Variants in MLANA observed in about 807,000 individuals in gnomAD.
MLANA encodes melanoma antigen recognized by T-cells 1.
MLANA carries 21 observed loss-of-function variants against 15.7 expected under a neutral mutation model. That is an observed-to-expected ratio of 1.33 (90% CI 0.95 to 1.92). MLANA has a LOEUF of 1.92. MLANA is among the 40% of genes most tolerant of loss of function. The pLI is 0.00. For synonymous variants in MLANA, 56 were observed against 51.5 expected, an observed-to-expected ratio of 1.09 and a Z score of -0.37; for missense variants, 164 against 143.8, an observed-to-expected ratio of 1.14 and a Z score of -0.72.
At chr9:5,908,486 A>G (rs1832958557) in intron 4 of MLANA, among the ~76,000 whole-genome samples, 154 bp from the exon 5 acceptor site, 1 of 152,238 alleles carries the variant, frequency 6.6e-6, no homozygotes. Flanking sequence ...TGTGAAATTT[A>G]ACAATTACTT....
Position 5,897,537 on chromosome 9 carries a change from T to C in MLANA, c.78-20T>C. On this transcript the variant is annotated intron_variant, in intron 2 of 4. Transcript: ENST00000381477. ...ACAATGTTTCAATGACAAAGTGGAT[T>C]TGTCTATCTCTTGGGCCAGGGCCGC... 6.2e-7 allele frequency: 1 copy of C among 1,604,796 alleles called. No homozygotes were observed. The highest frequency in any genetic ancestry group is 8.5e-7 in the Non-Finnish European group (1 of 1,171,474).
intron 3 of MLANA, among the ~76,000 whole-genome samples, chr9:5,899,763 C>G (rs760162190): frequency 3.3e-5 from 5 of 152,172 alleles, no homozygotes; most frequent in Non-Finnish European, 7.3e-5. Context: ...TGAACCACAA[C>G]AGAGAATATT....
At chr9:5,904,905 C>G (rs1832698844) in intron 3 of MLANA, among the ~76,000 whole-genome samples, 1 of 151,952 alleles carries the variant, frequency 6.6e-6, no homozygotes, top group Non-Finnish European at 1.5e-5. Flanking sequence ...TCCCAAGTAG[C>G]TGGGACTACA....
intron 3 of MLANA, among the ~76,000 whole-genome samples, chr9:5,902,760 C>T (rs1038031457): frequency 6.6e-6 from 1 of 151,946 alleles, no homozygotes; most frequent in Non-Finnish European, 1.5e-5. Flanking sequence ...TCCTGCCTTG[C>T]CCTCCCAAAG....
rs1439457602 is a variant in MLANA at position 5,894,657 on chromosome 9, C to G, written c.77+2106C>G. The stretch of plus-strand genomic sequence containing the variant: ...AGCTGGCTCTGACAATGCCGGAAAA[C>G]GAGCTGGTGCTTGGCATATACAGAC... On this transcript the variant is annotated intron_variant, in intron 2 of 4. Coordinates refer to ENST00000381477, the MANE Select transcript of MLANA (RefSeq NM_005511.2). The surrounding 1 kb of genome is among the most constrained non-coding windows in gnomAD (Gnocchi z 4.0). Among the ~76,000 whole-genome samples, 1 of 152,158 alleles carries G rather than the reference C, an allele frequency of 6.6e-6. No individual in the cohort carries two copies.
intron 3 of MLANA, among the ~76,000 whole-genome samples, chr9:5,906,188 A>G (rs1056080620): frequency 1.4e-5 from 2 of 146,016 alleles, no homozygotes; most frequent in Admixed American, 6.8e-5. Context: ...ATGTCTCTTA[A>G]AAAAAAAAAA....
chr9:5,904,008 C>A (rs1366037667), intron 3 of MLANA, among the ~76,000 whole-genome samples: 1 of 152,042 alleles, frequency 6.6e-6, no homozygotes, highest in Admixed American at 6.6e-5. Flanking sequence ...CAGGTGTGCG[C>A]CACCAAGCCT....
At chr9:5,904,017 C>G (rs1386757513) in intron 3 of MLANA, among the ~76,000 whole-genome samples, 1 of 152,114 alleles carries the variant, frequency 6.6e-6, no homozygotes, top group Non-Finnish European at 1.5e-5. Context: ...GCCACCAAGC[C>G]TGGCTAAGTT....
intron 3 of MLANA, among the ~76,000 whole-genome samples, chr9:5,905,405 A>G (rs1351983018): frequency 6.6e-6 from 1 of 152,232 alleles, no homozygotes; most frequent in Non-Finnish European, 1.5e-5. Context: ...TTTAAAATAG[A>G]GATTACAGGA....
At chr9:5,905,927 T>G (rs761733995) in intron 3 of MLANA, among the ~76,000 whole-genome samples, 1 of 152,234 alleles carries the variant, frequency 6.6e-6, no homozygotes, top group Non-Finnish European at 1.5e-5. Flanking sequence ...AGTTTTTTTC[T>G]TTCTGTTAAC....
intron 3 of MLANA, among the ~76,000 whole-genome samples, chr9:5,903,526 G>C (rs1442158586): frequency 6.6e-6 from 1 of 152,164 alleles, no homozygotes; most frequent in South Asian, 2.1e-4. Flanking sequence ...CTCATACAAT[G>C]AGTTAGTCCT....
intron 2 of MLANA, among the ~76,000 whole-genome samples, chr9:5,895,144 G>A (rs1831929248): frequency 6.6e-6 from 1 of 152,202 alleles, no homozygotes; most frequent in African/African-American, 2.4e-5. Context: ...GTCTGTAGAA[G>A]GGTCAGATGG....
intron 3 of MLANA, among the ~76,000 whole-genome samples, chr9:5,900,159 A>C (rs889252330): frequency 1.8e-4 from 28 of 152,176 alleles, no homozygotes; most frequent in Admixed American, 1.6e-3. Flanking sequence ...TTTCTGCTTC[A>C]ATGCTCTCAT....
Position 5,897,627 on chromosome 9 carries a change from A to T in MLANA, c.148A>T (p.Arg50Ter). The change falls in exon 3 of 5, where the codon AGA becomes TGA. Residue 50 changes from arginine to a stop codon, truncating the protein, a stop_gained. Transcript: ENST00000381477. LOFTEE classifies it high-confidence loss of function. ...GCTCATCGGCTGTTGGTATTGTAGAAGACGAAATGGATACAGAGCCTTGAT... is the reference window on the plus strand; with the variant it reads ...GCTCATCGGCTGTTGGTATTGTAGATGACGAAATGGATACAGAGCCTTGAT... ...LLLIGCWYCR[R>*]RNGYRALMDK... 6.2e-7 allele frequency: 1 copy of T among 1,614,116 alleles called. No individual in the cohort carries two copies. The highest frequency in any genetic ancestry group is 8.5e-7 in the Non-Finnish European group (1 of 1,179,926).
At chr9:5,907,247 AG>A (rs1485208726) in intron 4 of MLANA, 28 of 260,574 alleles carry the variant, frequency 1.1e-4, no homozygotes, top group Admixed American at 7.5e-4. Flanking sequence ...CAGTGTTTCC[AG>A]GGTCAATAAT....
At chr9:5,897,796 A>T (rs748104195) in intron 3 of MLANA, 143 bp downstream of exon 3, 1 of 749,078 alleles carries the variant, frequency 1.3e-6, no homozygotes, top group Non-Finnish European at 2.3e-6. Flanking sequence ...CTTTTGCTAC[A>T]TTGTACTTTG....
intron 2 of MLANA, among the ~76,000 whole-genome samples, chr9:5,893,103 T>A (rs1397271939): frequency 6.6e-6 from 1 of 152,248 alleles, no homozygotes; most frequent in Non-Finnish European, 1.5e-5. Context: ...ATTAAGCATT[T>A]CTAAATGCTA....
Position 5,894,566 on chromosome 9 carries a change from G to A in MLANA, c.77+2015G>A, listed in dbSNP as rs1193803981. 1.3e-5 allele frequency among the ~76,000 whole-genome samples: 2 copies of A among 152,196 alleles called. No individual in the cohort carries two copies. Among genetic ancestry groups the A allele is most frequent in the African/African-American group, 4.8e-5 (2 of 41,446 alleles). The stretch of plus-strand genomic sequence containing the variant: ...TGGTGTCTCAAGAGCTTAGAAGTGA[G>A]GGGCATGAATCAAATACTCAGGCCT... On this transcript the variant is annotated intron_variant, in intron 2 of 4. Transcript: ENST00000381477. The surrounding 1 kb of genome is among the most constrained non-coding windows in gnomAD (Gnocchi z 4.0).
chr9:5,893,206 G>T (rs530943886), intron 2 of MLANA, among the ~76,000 whole-genome samples: 2 of 152,202 alleles, frequency 1.3e-5, no homozygotes, highest in African/African-American at 2.4e-5. Context: ...TTCAGCAAAT[G>T]TAAGTGCGGT....
Sources: gnomAD v4.1 joint callset for allele counts (sites outside exome capture counted in the v4.1 genomes callset) on GRCh38, gnomAD v4.1.1 for gene constraint, Gnocchi (gnomAD v3.1) non-coding constraint, MANE v1.5 for transcripts, NCBI Gene and HGNC (gene_info 2026-07-23, HGNC 2026-07-21) for gene names.